Variants in SLC24A3 observed in about 807,000 individuals in gnomAD.
The protein encoded by SLC24A3 is solute carrier family 24 member 3, also known as sodium/potassium/calcium exchanger 3.
SLC24A3 carries 28 observed loss-of-function variants against 75.8 expected under a neutral mutation model. The observed-to-expected ratio is 0.37, with a 90% CI of 0.27 to 0.51. The LOEUF (loss-of-function observed/expected upper bound fraction) is 0.51. Ranked by LOEUF, SLC24A3 falls within the 20% of genes least tolerant of loss-of-function variation. The pLI is 0.94. For missense variants in SLC24A3, 663 were observed against 847.8 expected (o/e 0.78, Z 2.71); for synonymous variants, 372 against 334.1 (o/e 1.11, Z -1.24).
At chr20:19,484,862 C>T (rs867496523) in intron 2 of SLC24A3, among the ~76,000 whole-genome samples, 34 of 152,146 alleles carry the variant, frequency 2.2e-4, no homozygotes, top group African/African-American at 6.3e-4. Context: ...ACAATTAAAA[C>T]GAAAAAATTA....
intron 2 of SLC24A3, among the ~76,000 whole-genome samples, chr20:19,368,481 G>T (rs1985936359): frequency 6.6e-6 from 1 of 152,202 alleles, no homozygotes; most frequent in South Asian, 2.1e-4. Flanking sequence ...GCACTGACCA[G>T]CTTGGCTTGG....
chr20:19,581,900 G>A (rs1018314355), intron 4 of SLC24A3, among the ~76,000 whole-genome samples: 4 of 152,190 alleles, frequency 2.6e-5, no homozygotes, highest in Non-Finnish European at 5.9e-5. Context: ...GGAGGAGTGG[G>A]CACAGAAGAG....
chr20:19,247,536 C>G (rs148627094), intron 1 of SLC24A3, among the ~76,000 whole-genome samples: 1 of 152,212 alleles, frequency 6.6e-6, no homozygotes, highest in East Asian at 1.9e-4. Context: ...ATGCTCATTT[C>G]TAGAGGCAGC....
chr20:19,451,823 ACCTCAGATCCCAGG>A, intron 2 of SLC24A3, among the ~76,000 whole-genome samples: 1 of 152,150 alleles, frequency 6.6e-6, no homozygotes, highest in Non-Finnish European at 1.5e-5. Context: ...ATGCGCTGGC[ACCTCAGATCCCAGG>A]CCATCCAAAG....
intron 2 of SLC24A3, among the ~76,000 whole-genome samples, chr20:19,299,433 C>T (rs73284637): frequency 0.02 from 3,069 of 152,116 alleles, 42 homozygotes; most frequent in African/African-American, 0.031. Context: ...TTACTGCCTC[C>T]GTCCATGTGT....
chr20:19,453,443 C>T (rs977882039), intron 2 of SLC24A3, among the ~76,000 whole-genome samples: 1 of 152,166 alleles, frequency 6.6e-6, no homozygotes, highest in African/African-American at 2.4e-5. Context: ...TGATCTGGCT[C>T]TTTGATGAGG....
rs1392189381 is a variant in SLC24A3 at position 19,399,843 on chromosome 20, G to A, written c.272-115645G>A. On this transcript the variant is annotated intron_variant, in intron 2 of 16. Transcript: ENST00000328041. ...TTGTTATATTAGGGATTGAGAGGAAGTGTTGAAGTATCTTTTTGTTCTCTC... is the reference window on the plus strand; with the variant it reads ...TTGTTATATTAGGGATTGAGAGGAAATGTTGAAGTATCTTTTTGTTCTCTC... Among the ~76,000 whole-genome samples, 4 of 152,214 alleles carry A rather than the reference G, an allele frequency of 2.6e-5. No individual in the cohort carries two copies. In the East Asian group the frequency reaches 7.7e-4, roughly 29 times the overall value.
At chr20:19,335,242 C>T (rs566054275) in intron 2 of SLC24A3, among the ~76,000 whole-genome samples, 52 of 152,228 alleles carry the variant, frequency 3.4e-4, no homozygotes, top group African/African-American at 1.2e-3. Flanking sequence ...ATTAAGAGGG[C>T]TAGAATGAAA....
chr20:19,257,849 AG>A (rs1982863315), intron 1 of SLC24A3, among the ~76,000 whole-genome samples: 1 of 152,170 alleles, frequency 6.6e-6, no homozygotes, highest in Non-Finnish European at 1.5e-5. Context: ...TTTTAGAGAT[AG>A]GGTTTCCCTC....
chr20:19,378,828 T>C (rs1314526878), intron 2 of SLC24A3, among the ~76,000 whole-genome samples: 2 of 152,082 alleles, frequency 1.3e-5, no homozygotes, highest in Admixed American at 1.3e-4. Context: ...ATCAATAGCT[T>C]TTTTAATGAA....
At chr20:19,501,119 G>T (rs890201487) in intron 2 of SLC24A3, among the ~76,000 whole-genome samples, 1 of 152,166 alleles carries the variant, frequency 6.6e-6, no homozygotes, top group African/African-American at 2.4e-5. Context: ...CAAACTCATA[G>T]GTTCTGAGGA....
At chr20:19,410,171 C>G (rs1483698861) in intron 2 of SLC24A3, among the ~76,000 whole-genome samples, 1 of 151,956 alleles carries the variant, frequency 6.6e-6, no homozygotes, top group Non-Finnish European at 1.5e-5. Context: ...AAGTTCCTCC[C>G]AAGAATCAGG....
intron 2 of SLC24A3, among the ~76,000 whole-genome samples, chr20:19,358,351 G>T (rs1438845683): frequency 1.3e-5 from 2 of 152,122 alleles, no homozygotes; most frequent in Admixed American, 6.5e-5. Context: ...CTTGCTGGAT[G>T]GCCTGTTATA....
rs565191257 is a variant in SLC24A3, at chr20:19,721,118, T to A, written c.1913T>A (p.Leu638Gln). ...TTCAACGTGTTCACCTTTGTGAACCTGCCCATGTGCGGGGACCACTGAGCC... is the reference window on the plus strand; with the variant it reads ...TTCAACGTGTTCACCTTTGTGAACCAGCCCATGTGCGGGGACCACTGAGCC... ...TEFNVFTFVN[L>Q]PMCGDH Residue 638 changes from leucine to glutamine, a missense_variant, in exon 17 of 17, where the codon CTG (leucine) becomes CAG (glutamine). Leu to Gln is a moderately radical substitution (Grantham distance 113). This residue lies in a region of SLC24A3 where 510 missense variants were observed against 703.6 expected (regional missense o/e 0.72). Coordinates refer to ENST00000328041, the MANE Select transcript of SLC24A3 (RefSeq NM_020689.4). 1.9e-6 allele frequency: 3 copies of A among 1,614,150 alleles called. No homozygotes were observed. In the South Asian group the frequency reaches 3.3e-5, roughly 18 times the overall value.
intron 2 of SLC24A3, among the ~76,000 whole-genome samples, chr20:19,442,593 G>C (rs1987314523): frequency 6.6e-6 from 1 of 152,084 alleles, no homozygotes; most frequent in Non-Finnish European, 1.5e-5. Flanking sequence ...TATTTGTGTA[G>C]ATTGCTTACT....
At chr20:19,657,782 G>A (rs569550447) in intron 7 of SLC24A3, among the ~76,000 whole-genome samples, 2 of 139,168 alleles carry the variant, frequency 1.4e-5, no homozygotes, top group South Asian at 4.9e-4. Flanking sequence ...CAGGTCGCAC[G>A]CACTGTCTTT....
chr20:19,237,259 G>A (rs567085198), intron 1 of SLC24A3, among the ~76,000 whole-genome samples: 266 of 152,264 alleles, frequency 1.7e-3, no homozygotes, highest in African/African-American at 6.3e-3. Context: ...GTGCTCCTGG[G>A]CCTGCAGGCG....
At chr20:19,663,615 A>G (rs2032364690) in intron 7 of SLC24A3, among the ~76,000 whole-genome samples, 1 of 151,162 alleles carries the variant, frequency 6.6e-6, no homozygotes. Context: ...TAGTACTTGT[A>G]GTGAGATCAC....
At chr20:19,634,972 G>A (rs1238747134) in intron 6 of SLC24A3, among the ~76,000 whole-genome samples, 1 of 152,166 alleles carries the variant, frequency 6.6e-6, no homozygotes, top group Non-Finnish European at 1.5e-5. Context: ...GTATGTTTAG[G>A]AAAAAGATAT....
Sources: allele counts gnomAD v4.1 joint callset (sites outside exome capture counted in the v4.1 genomes callset), GRCh38; gene constraint gnomAD v4.1.1; regional missense constraint gnomAD v4.1.1; transcripts MANE v1.5; gene names NCBI Gene and HGNC (gene_info 2026-07-23, HGNC 2026-07-21).